The following SH3GL3 variants were observed in gnomAD, a reference collection of about 807,000 sequenced individuals.
The protein encoded by SH3GL3 is endophilin-A3.
A neutral mutation model predicts 47.7 loss-of-function variants in SH3GL3; 33 were observed. The ratio of observed to expected loss-of-function variants is 0.69; its 90% CI spans 0.52 to 0.92. The LOEUF (loss-of-function observed/expected upper bound fraction) is 0.92. Among genes scored for constraint, SH3GL3 ranks in the 40% least tolerant of loss-of-function variants. SH3GL3 has a pLI of 0.00. For missense variants in SH3GL3, 363 were observed against 417.8 expected, an observed-to-expected ratio of 0.87 and a Z score of 1.14; for synonymous variants, 155 against 148.8, an observed-to-expected ratio of 1.04 and a Z score of -0.30.
At chr15:83,475,148 TA>T (rs1412429521) in intron 1 of SH3GL3, among the ~76,000 whole-genome samples, 1 of 150,856 alleles carries the variant, frequency 6.6e-6, no homozygotes, top group Non-Finnish European at 1.5e-5. Flanking sequence ...TAACTATATA[TA>T]AAAAACTATA....
At chr15:83,570,676 A>G (rs546677117) in intron 4 of SH3GL3, among the ~76,000 whole-genome samples, 6 of 152,374 alleles carry the variant, frequency 3.9e-5, no homozygotes, top group South Asian at 4.1e-4. Context: ...TTGAGAAATC[A>G]AATATTTGGC....
chr15:83,573,958 A>C (rs2059601590), intron 5 of SH3GL3, among the ~76,000 whole-genome samples: 1 of 152,178 alleles, frequency 6.6e-6, no homozygotes, highest in East Asian at 1.9e-4. Context: ...ATGAAGGAGA[A>C]GCACCTCTTT....
Position 83,536,409 on chromosome 15 carries a change from T to TCTTTC in SH3GL3, c.46-22844_46-22843insCTTTC, listed in dbSNP as rs60468522. ...CTTTTTCTTTTCTTTTCTTTTCTTT[T>TCTTTC]TTTTTTTTTTTTGAGACAGAGTCTT... is the stretch of plus-strand genomic sequence containing the variant. On this transcript the variant is annotated intron_variant, in intron 1 of 8. Coordinates refer to ENST00000427482, the MANE Select transcript of SH3GL3 (RefSeq NM_003027.5). Among the ~76,000 whole-genome samples, 159 of 141,844 alleles carry TCTTTC rather than the reference T, an allele frequency of 1.1e-3. 1 individual carries two copies. Among genetic ancestry groups the TCTTTC allele is most frequent in the African/African-American group, 3.9e-3 (147 of 37,588 alleles). The allele number at this position is 141,844 out of a possible 152,430, so 93.1% of individuals were successfully genotyped here. A position where few individuals can be genotyped will look rare whatever the true frequency, so the allele number is the denominator to read the frequency against.
intron 1 of SH3GL3, among the ~76,000 whole-genome samples, chr15:83,499,806 A>G (rs2042224144): frequency 1.3e-5 from 2 of 152,248 alleles, no homozygotes; most frequent in Admixed American, 1.3e-4. Flanking sequence ...ATCAGTACAC[A>G]GGACCTTAGA....
At chr15:83,478,670 C>T (rs1047575443) in intron 1 of SH3GL3, among the ~76,000 whole-genome samples, 6 of 152,140 alleles carry the variant, frequency 3.9e-5, no homozygotes, top group African/African-American at 1.2e-4. Flanking sequence ...TGGCTGGAGT[C>T]GCAGCTCAGC....
chr15:83,542,538 T>C (rs973393754), intron 1 of SH3GL3, among the ~76,000 whole-genome samples: 8 of 152,192 alleles, frequency 5.3e-5, no homozygotes, highest in African/African-American at 1.7e-4. Flanking sequence ...AAAAGTTGCA[T>C]TGAGTTTGTA....
chr15:83,550,658 G>T (rs2044616473), intron 1 of SH3GL3, among the ~76,000 whole-genome samples: 1 of 152,156 alleles, frequency 6.6e-6, no homozygotes, highest in Non-Finnish European at 1.5e-5. Flanking sequence ...CCAAAGTGCT[G>T]AGATTACAGA....
At chr15:83,572,813 G>A in intron 5 of SH3GL3, 115 bp downstream of exon 5, 1 of 727,436 alleles carries the variant, frequency 1.4e-6, no homozygotes, top group Non-Finnish European at 2.2e-6. Context: ...TTGTGGGTAG[G>A]GTAAAAATGA....
intron 1 of SH3GL3, among the ~76,000 whole-genome samples, chr15:83,534,909 A>G (rs2043837370): frequency 6.6e-6 from 1 of 152,182 alleles, no homozygotes; most frequent in African/African-American, 2.4e-5. Flanking sequence ...GTACTTTTGT[A>G]AAAGAAAAAC....
intron 3 of SH3GL3, 32 bp from the exon 4 acceptor site, chr15:83,568,497 T>A: frequency 6.3e-7 from 1 of 1,596,722 alleles, no homozygotes; most frequent in South Asian, 1.1e-5. Flanking sequence ...ACCTTGTAAC[T>A]TTAAAGAATT....
intron 1 of SH3GL3, 70 bp from the exon 2 acceptor site, chr15:83,559,183 T>C: frequency 2.2e-6 from 2 of 918,276 alleles, no homozygotes; most frequent in Non-Finnish European, 3.4e-6. Flanking sequence ...TTTCTGTTTT[T>C]AATAATTTAG....
At chr15:83,563,130 G>C (rs1297278823) in intron 2 of SH3GL3, among the ~76,000 whole-genome samples, 6 of 152,124 alleles carry the variant, frequency 3.9e-5, no homozygotes, top group African/African-American at 1.4e-4. Context: ...GACCCTGGCA[G>C]GATCATAGTT....
chr15:83,474,746 C>G (rs775169491), intron 1 of SH3GL3, among the ~76,000 whole-genome samples: 6 of 152,132 alleles, frequency 3.9e-5, no homozygotes, highest in Non-Finnish European at 8.8e-5. Flanking sequence ...ATGAACTGAG[C>G]GCTTGCCCAT....
rs2039486747 is a variant in SH3GL3, at chr15:83,447,387, T to G, written c.-147T>G. 2.2e-6 allele frequency: 1 copy of G among 448,648 alleles called. No individual in the cohort carries two copies. The highest frequency in any genetic ancestry group is 8.9e-5 in the South Asian group (1 of 11,230). The allele number at this position is 448,648 out of a possible 1,614,324, so 27.8% of individuals were successfully genotyped here. ...GCGTGTGTGCGAGTGTGACAGCGGC[T>G]GTGGCTGTGGCCGTGGCCGTGGGAG... On this transcript the variant is annotated 5_prime_UTR_variant, in exon 1 of 9. Transcript: ENST00000427482. The surrounding 1 kb of genome is among the most constrained non-coding windows in gnomAD (Gnocchi z 5.1).
At position 83,618,576 on chromosome 15, in the gene SH3GL3, C is replaced by A; in HGVS notation, c.*289C>A. ...GTCTCACCCATTGCAGTTATGTCAA[C>A]GAATGGCCTATATTCCTCAGCTGCA... On this transcript the variant is annotated 3_prime_UTR_variant, in exon 9 of 9. Coordinates refer to ENST00000427482, the MANE Select transcript of SH3GL3 (RefSeq NM_003027.5). The A allele has an allele frequency of 2.8e-6, 1 of 362,390 alleles. No homozygotes were observed. 22.4% of individuals were successfully genotyped at this position (362,390 alleles called of 1,614,324 possible).
chr15:83,610,980 A>AATAT (rs10665431), intron 8 of SH3GL3, among the ~76,000 whole-genome samples: 29,864 of 146,774 alleles, frequency 0.2, 3,337 homozygotes, highest in South Asian at 0.27. Context: ...TCAGCCAAAA[A>AATAT]ATATATATAT....
Position 83,447,652 on chromosome 15 carries a change from G to GGGACTCCTGTTCCCTGAAGGGCCTCTC in SH3GL3, c.45+75_45+101dup. ...GGCCCCCCGAGGCTCCCGGGCCTTTGGGACTCCTGTTCCCTGAAGGGCCTC... is the reference window on the plus strand; with the variant it reads ...GGCCCCCCGAGGCTCCCGGGCCTTTGGGACTCCTGTTCCCTGAAGGGCCTCTCGGACTCCTGTTCCCTGAAGGGCCTC... On this transcript the variant is annotated intron_variant, in intron 1 of 8. Transcript: ENST00000427482. The surrounding 1 kb of genome is among the most constrained non-coding windows in gnomAD (Gnocchi z 5.1). The GGGACTCCTGTTCCCTGAAGGGCCTCTC allele has an allele frequency of 8.8e-7, 1 of 1,132,948 alleles. No homozygotes were observed. The highest frequency in any genetic ancestry group is 1.2e-6 in the Non-Finnish European group (1 of 818,322). 70.2% of individuals were successfully genotyped at this position (1,132,948 alleles called of 1,614,324 possible). A position where few individuals can be genotyped will look rare whatever the true frequency, so the allele number is the denominator to read the frequency against.
intron 8 of SH3GL3, among the ~76,000 whole-genome samples, chr15:83,605,815 G>C (rs2060500644): frequency 6.6e-6 from 1 of 152,110 alleles, no homozygotes; most frequent in Non-Finnish European, 1.5e-5. Flanking sequence ...CTGCCCCTCT[G>C]TCCCCAAAGA....
At chr15:83,611,098 T>A (rs1388273391) in intron 8 of SH3GL3, among the ~76,000 whole-genome samples, 2 of 151,788 alleles carry the variant, frequency 1.3e-5, no homozygotes, top group Non-Finnish European at 2.9e-5. Flanking sequence ...CAAATAATGT[T>A]CCTGCTGTTA....
Sources: gnomAD v4.1 joint callset for allele counts (sites outside exome capture counted in the v4.1 genomes callset) on GRCh38, gnomAD v4.1.1 for gene constraint, Gnocchi (gnomAD v3.1) non-coding constraint, MANE v1.5 for transcripts, NCBI Gene and HGNC (gene_info 2026-07-23, HGNC 2026-07-21) for gene names.